Variants in CDX2 observed in about 807,000 individuals in gnomAD.
CDX2 encodes the protein homeobox protein CDX-2.
In CDX2, 7 loss-of-function variants were observed where a neutral mutation model predicts 25.5. The ratio of observed to expected loss-of-function variants is 0.27; its 90% CI spans 0.16 to 0.52. The LOEUF is 0.52. CDX2 is among the 20% of genes least tolerant of loss of function. The pLI, the probability that CDX2 is intolerant of heterozygous loss-of-function variation, is 0.97. For synonymous variants in CDX2, 222 were observed against 198.6 expected (o/e 1.12, Z -0.99); for missense variants, 375 against 431.4 (o/e 0.87, Z 1.16).
chr13:27,963,378 G>A lies in CDX2; in HGVS notation c.688-9C>T, dbSNP rs1358626865. 2 of 1,551,728 alleles carry A rather than the reference G, an allele frequency of 1.3e-6. No individual in the cohort carries two copies. The highest frequency in any genetic ancestry group is 1.7e-6 in the Non-Finnish European group (2 of 1,145,146). On this transcript the variant is annotated splice_polypyrimidine_tract_variant and intron_variant, in intron 2 of 2. Coordinates refer to ENST00000381020, the MANE Select transcript of CDX2 (RefSeq NM_001265.6). ...TGAAACCAGATTTTAACCTAGAAAT[G>A]GAAAGGTGGAGAAAAGCACATTGTG...
At position 27,968,569 on chromosome 13, in the gene CDX2, C is replaced by T; in HGVS notation, c.438G>A (p.Gly146=). 6.4e-7 allele frequency: 1 copy of T among 1,568,350 alleles called. No individual in the cohort carries two copies. Among genetic ancestry groups the T allele is most frequent in the Non-Finnish European group, 8.6e-7 (1 of 1,167,118 alleles). ...GCTCGGCGGCAGCGGTGGCGGCGGG[C>T]CCAGGAGGGCCGGGGTTGAGCGTTT... The part of the protein sequence containing the change: ...LLQTLNPGPP[G]PAATAAAEQL... The change falls in exon 1 of 3, where the codon GGG becomes GGA. Residue 146 remains glycine (G), a synonymous_variant. Coordinates refer to ENST00000381020, the MANE Select transcript of CDX2 (RefSeq NM_001265.6).
In CDX2 at chr13:27,968,913, C is replaced by G. The variant is rs751662963; in HGVS notation, c.94G>C (p.Val32Leu). 9 of 1,608,380 alleles carry G rather than the reference C, an allele frequency of 5.6e-6. No homozygotes were observed. The South Asian group carries it at 8.9e-5, about 16-fold the overall frequency. The part of the protein sequence containing the change: ...GGLNLAPQNF[V>L]SPPQYPDYGG... ...TAGTCCGGGTACTGCGGGGGGCTGA[C>G]GAAGTTCTGCGGCGCCAGGTTGAGG... The change falls in exon 1 of 3, where the codon GTC (valine) becomes CTC (leucine). Residue 32 changes from valine (V) to leucine (L), a missense_variant. Coordinates refer to ENST00000381020, the MANE Select transcript of CDX2 (RefSeq NM_001265.6).
intron 1 of CDX2, among the ~76,000 whole-genome samples, chr13:27,966,586 G>A (rs138197751): frequency 7.0e-4 from 106 of 152,254 alleles, no homozygotes; most frequent in Middle Eastern, 3.4e-3. Context: ...GAAGTGTCTC[G>A]GAGCGACCCT....
At position 27,964,776 on chromosome 13, in the gene CDX2, C is replaced by T. The variant is rs1869230579; in HGVS notation, c.687+94G>A. 4 of 1,162,520 alleles carry T rather than the reference C, an allele frequency of 3.4e-6. No individual in the cohort carries two copies. In the South Asian group the frequency reaches 5.1e-5, roughly 15 times the overall value. The allele number at this position is 1,162,520 out of a possible 1,614,324, so 72.0% of individuals were successfully genotyped here. A position where few individuals can be genotyped will look rare whatever the true frequency, so the allele number is the denominator to read the frequency against. ...TTGCATCCTCCTGCTTCAGTCTCTC[C>T]ACAGATTTAGATGGCCCCTGCAGCC... is the stretch of plus-strand genomic sequence containing the variant. On this transcript the variant is annotated intron_variant, in intron 2 of 2. Coordinates refer to ENST00000381020, the MANE Select transcript of CDX2 (RefSeq NM_001265.6). The surrounding 1 kb of genome is among the most constrained non-coding windows in gnomAD (Gnocchi z 4.7).
rs1869196135 is a variant in CDX2 at position 27,964,093 on chromosome 13, G to A, written c.688-724C>T. On this transcript the variant is annotated intron_variant, in intron 2 of 2. Transcript: ENST00000381020. This position sits in a 1 kb window ranked among gnomAD's most constrained non-coding sequence, Gnocchi z 4.7. ...AAAAAAAGAGGACTAAAGGTAGAAG[G>A]AGGCTTTTTAAAAAAGTACTCCAGG... Among the ~76,000 whole-genome samples, 2 of 152,164 alleles carry A rather than the reference G, an allele frequency of 1.3e-5. No individual in the cohort carries two copies. The highest frequency in any genetic ancestry group is 6.5e-5 in the Admixed American group (1 of 15,276).
Position 27,967,100 on chromosome 13 carries a change from G to C in CDX2, c.541+1366C>G, listed in dbSNP as rs556961975. Among the ~76,000 whole-genome samples the C allele has an allele frequency of 2.0e-4, 31 of 152,226 alleles. No individual in the cohort carries two copies. The South Asian group carries it at 5.0e-3, about 24-fold the overall frequency. Reference sequence around the variant, plus strand: ...CCCCGCGGCCGCTCTCCCGGGACACGCAAAGGTCTTCCTTAGGGCGTGCGC... The same window carrying C: ...CCCCGCGGCCGCTCTCCCGGGACACCCAAAGGTCTTCCTTAGGGCGTGCGC... On this transcript the variant is annotated intron_variant, in intron 1 of 2. Transcript: ENST00000381020.
In CDX2 at chr13:27,961,429, C is replaced by T. The variant is rs1232587310; in HGVS notation, c.*1686G>A. ...CCGGAAAGTTCAGCTCGGCGGCCTC[C>T]AGGATCAAAAATTTTAAAGGCTGCA... is the stretch of plus-strand genomic sequence containing the variant. On this transcript the variant is annotated 3_prime_UTR_variant, in exon 3 of 3. Transcript: ENST00000381020. Among the ~76,000 whole-genome samples, 1 of 152,210 alleles carries T rather than the reference C, an allele frequency of 6.6e-6. No homozygotes were observed. Among genetic ancestry groups the T allele is most frequent in the Non-Finnish European group, 1.5e-5 (1 of 68,040 alleles).
chr13:27,961,405 C>A lies in CDX2; in HGVS notation c.*1710G>T, dbSNP rs977350075. 6.6e-6 allele frequency among the ~76,000 whole-genome samples: 1 copy of A among 152,208 alleles called. No individual in the cohort carries two copies. The highest frequency in any genetic ancestry group is 2.4e-5 in the African/African-American group (1 of 41,448). ...TAAGCCCCCCTCGCCCGGGTCCTGC[C>A]GGAAAGTTCAGCTCGGCGGCCTCCA... On this transcript the variant is annotated 3_prime_UTR_variant, in exon 3 of 3. Coordinates refer to ENST00000381020, the MANE Select transcript of CDX2 (RefSeq NM_001265.6).
At chr13:27,967,855 T>C (rs1292374760) in intron 1 of CDX2, among the ~76,000 whole-genome samples, 3 of 152,140 alleles carry the variant, frequency 2.0e-5, no homozygotes, top group African/African-American at 7.2e-5. Context: ...CCCCGTCGCC[T>C]TAGCAGCTGG....
In CDX2 at chr13:27,961,604, G is replaced by C. The variant is rs1268116443; in HGVS notation, c.*1511C>G. On this transcript the variant is annotated 3_prime_UTR_variant, in exon 3 of 3. Transcript: ENST00000381020. ...GGAAACTGCAAAGACAGAGAAGAGA[G>C]TGGAGGCAGAAAGGGCTCACGGAAA... Among the ~76,000 whole-genome samples, 1 of 152,182 alleles carries C rather than the reference G, an allele frequency of 6.6e-6. No individual in the cohort carries two copies. Among genetic ancestry groups the C allele is most frequent in the African/African-American group, 2.4e-5 (1 of 41,434 alleles).
In CDX2 at chr13:27,964,737, C is replaced by G; in HGVS notation, c.687+133G>C. On this transcript the variant is annotated intron_variant, in intron 2 of 2. Transcript: ENST00000381020. This position sits in a 1 kb window ranked among gnomAD's most constrained non-coding sequence, Gnocchi z 4.7. ...AAAAAAAAAAAAAAAAAAAAGGACT[C>G]CAAAGACGAATGCTTGCATCCTCCT... The G allele has an allele frequency of 3.4e-6, 2 of 582,074 alleles. No individual in the cohort carries two copies. Among genetic ancestry groups the G allele is most frequent in the Non-Finnish European group, 2.9e-6 (1 of 344,964 alleles). The allele number at this position is 582,074 out of a possible 1,614,324, so 36.1% of individuals were successfully genotyped here.
intron 1 of CDX2, among the ~76,000 whole-genome samples, chr13:27,967,979 A>AC (rs568632599): frequency 1.3e-3 from 200 of 151,546 alleles, no homozygotes; most frequent in African/African-American, 4.1e-3. Context: ...CCATCCTCCG[A>AC]CCCCCCCAGG....
chr13:27,968,801 T>C lies in CDX2; in HGVS notation c.206A>G (p.Tyr69Cys). 1 of 1,531,646 alleles carries C rather than the reference T, an allele frequency of 6.5e-7. No homozygotes were observed. Among genetic ancestry groups the C allele is most frequent in the Non-Finnish European group, 8.8e-7 (1 of 1,142,546 alleles). The allele number at this position is 1,531,646 out of a possible 1,614,324, so 94.9% of individuals were successfully genotyped here. A position where few individuals can be genotyped will look rare whatever the true frequency, so the allele number is the denominator to read the frequency against. ...CCAGTCCTCCCGGAGTGGGGCGCCA[T>C]ACGCTGCCGGCCAGGATGGCCCCGG... ...QSPGPSWPAAYGAPLREDWNG... is the reference protein window; with the variant it reads ...QSPGPSWPAACGAPLREDWNG... Residue 69 changes from tyrosine to cysteine, a missense_variant, in exon 1 of 3, where the codon TAT becomes TGT. Tyr to Cys is a radical substitution (Grantham distance 194). Around this residue, in one of 3 missense-constraint regions of CDX2, gnomAD observed 253 missense variants for 247.5 expected, o/e 1.02. Coordinates refer to ENST00000381020, the MANE Select transcript of CDX2 (RefSeq NM_001265.6).
rs779824163 is a variant in CDX2 at position 27,964,554 on chromosome 13, A to G, written c.687+316T>C. ...GACCATCTCTGCAAAAAATTTAAAC[A>G]TTAGCCAGTCATGGTGGCTCGAGCC... On this transcript the variant is annotated intron_variant, in intron 2 of 2. Coordinates refer to ENST00000381020, the MANE Select transcript of CDX2 (RefSeq NM_001265.6). The surrounding 1 kb of genome is among the most constrained non-coding windows in gnomAD (Gnocchi z 4.7). Among the ~76,000 whole-genome samples, 14 of 151,882 alleles carry G rather than the reference A, an allele frequency of 9.2e-5. No individual in the cohort carries two copies. Among genetic ancestry groups the G allele is most frequent in the Admixed American group, 3.3e-4 (5 of 15,258 alleles).
At position 27,963,340 on chromosome 13, in the gene CDX2, T is replaced by C. The variant is rs376899850; in HGVS notation, c.717A>G (p.Ala239=). The C allele has an allele frequency of 1.9e-6, 3 of 1,606,266 alleles. 1 individual carries two copies. Among genetic ancestry groups the C allele is most frequent in the Middle Eastern group, 3.3e-4 (2 of 6,050 alleles). Residue 239 remains alanine, a synonymous_variant, in exon 3 of 3, where the codon GCA becomes GCG. Transcript: ENST00000381020. The stretch of plus-strand genomic sequence containing the variant: ...TCTTCTTGTTGATTTTCCTCTCCTT[T>C]GCTCTGCGGTTCTGAAACCAGATTT... ...QVKIWFQNRR[A]KERKINKKKL...
chr13:27,964,896 C>T lies in CDX2; in HGVS notation c.661G>A (p.Ala221Thr), dbSNP rs773759361. The T allele has an allele frequency of 1.9e-6, 3 of 1,614,044 alleles. No homozygotes were observed. Among genetic ancestry groups the T allele is most frequent in the Non-Finnish European group, 2.5e-6 (3 of 1,179,980 alleles). The change falls in exon 2 of 3, where the codon GCC (alanine) becomes ACC (threonine). Residue 221 changes from alanine to threonine, a missense_variant. By Grantham distance (58) the Ala-to-Thr change is moderately conservative. This residue lies in a region of CDX2 where 64 missense variants were observed against 124.6 expected (regional missense o/e 0.51). Coordinates refer to ENST00000381020, the MANE Select transcript of CDX2 (RefSeq NM_001265.6). This position sits in a 1 kb window ranked among gnomAD's most constrained non-coding sequence, Gnocchi z 4.7. The stretch of plus-strand genomic sequence containing the variant: ...TGCCTCTCAGAGAGCCCCAGCGTGG[C>T]GGCTAGCTCGGCTTTCCTCCGGATG... ...ITIRRKAELA[A>T]TLGLSERQVK... is the part of the protein sequence containing the mutation.
In CDX2 at chr13:27,963,804, C is replaced by T. The variant is rs181680803; in HGVS notation, c.688-435G>A. Among the ~76,000 whole-genome samples the T allele has an allele frequency of 4.8e-3, 733 of 152,252 alleles. 3 individuals carry two copies. Among genetic ancestry groups the T allele is most frequent in the African/African-American group, 0.015 (624 of 41,536 alleles). On this transcript the variant is annotated intron_variant, in intron 2 of 2. Coordinates refer to ENST00000381020, the MANE Select transcript of CDX2 (RefSeq NM_001265.6). ...CTGAAAATGAGATTTAATTTTGTGG[C>T]TTCCTGGCTGTGAAGTTGGCCTGTT...
Position 27,968,752 on chromosome 13 carries a change from G to T in CDX2, c.255C>A (p.Ala85=), listed in dbSNP as rs1210251557. 2 of 1,499,148 alleles carry T rather than the reference G, an allele frequency of 1.3e-6. No individual in the cohort carries two copies. Among genetic ancestry groups the T allele is most frequent in the East Asian group, 5.1e-5 (2 of 39,064 alleles). 92.9% of individuals were successfully genotyped at this position (1,499,148 alleles called of 1,614,324 possible). The change falls in exon 1 of 3, where the codon GCC becomes GCA. Residue 85 remains alanine, a synonymous_variant. Coordinates refer to ENST00000381020, the MANE Select transcript of CDX2 (RefSeq NM_001265.6). ...EDWNGYAPGG[A]AAAANAVAHG... The stretch of plus-strand genomic sequence containing the variant: ...GAGCCACGGCGTTGGCGGCGGCCGC[G>T]GCGCCTCCGGGCGCGTAGCCATTCC...
Position 27,964,419 on chromosome 13 carries a change from G to T in CDX2, c.687+451C>A, listed in dbSNP as rs1217384972. On this transcript the variant is annotated intron_variant, in intron 2 of 2. Transcript: ENST00000381020. This position sits in a 1 kb window ranked among gnomAD's most constrained non-coding sequence, Gnocchi z 4.7. ...CGTTTCGACGGTGGCGGGTGGGGGG[G>T]CATGTACTCCAGGCCAGGCATGGTG... Among the ~76,000 whole-genome samples the T allele has an allele frequency of 6.6e-6, 1 of 150,762 alleles. No individual in the cohort carries two copies. Among genetic ancestry groups the T allele is most frequent in the Non-Finnish European group, 1.5e-5 (1 of 67,800 alleles).
Sources: gnomAD v4.1 joint callset for allele counts (sites outside exome capture counted in the v4.1 genomes callset) on GRCh38, gnomAD v4.1.1 for gene constraint, gnomAD v4.1.1 regional missense constraint, Gnocchi (gnomAD v3.1) non-coding constraint, MANE v1.5 for transcripts, NCBI Gene and HGNC (gene_info 2026-07-23, HGNC 2026-07-21) for gene names.